The following CHCHD3 variants were observed in gnomAD, a reference collection of about 807,000 sequenced individuals.
The protein encoded by CHCHD3 is MICOS complex subunit MIC19.
A neutral mutation model predicts 38.2 loss-of-function variants in CHCHD3; 20 were observed. The observed-to-expected ratio is 0.52, with a 90% confidence interval of 0.37 to 0.76. The LOEUF (loss-of-function observed/expected upper bound fraction) is 0.76. CHCHD3 is among the 30% of genes least tolerant of loss of function. The pLI, the probability that CHCHD3 is intolerant of heterozygous loss-of-function variation, is 0.00. For synonymous variants in CHCHD3, 82 were observed against 100.0 expected, an observed-to-expected ratio of 0.82 and a Z score of 1.07; for missense variants, 245 against 279.2, an observed-to-expected ratio of 0.88 and a Z score of 0.87.
chr7:133,016,915 G>A (rs1219459336), intron 3 of CHCHD3, among the ~76,000 whole-genome samples: 9 of 152,200 alleles, frequency 5.9e-5, no homozygotes, highest in Admixed American at 2.0e-4. Flanking sequence ...CCGGATTAAG[G>A]AAATGGACAA....
At chr7:133,050,294 G>C (rs1814117169) in intron 2 of CHCHD3, among the ~76,000 whole-genome samples, 1 of 121,422 alleles carries the variant, frequency 8.2e-6, no homozygotes, top group African/African-American at 3.1e-5. Context: ...AGTGAGCCAA[G>C]ATCTTGCCAC....
chr7:132,906,522 C>T (rs1809809055), intron 4 of CHCHD3, among the ~76,000 whole-genome samples: 1 of 152,166 alleles, frequency 6.6e-6, no homozygotes, highest in African/African-American at 2.4e-5. Context: ...TATTTTACTA[C>T]TAATAATGAC....
chr7:133,055,290 A>G (rs1055012250), intron 2 of CHCHD3, among the ~76,000 whole-genome samples: 11 of 146,516 alleles, frequency 7.5e-5, no homozygotes, highest in African/African-American at 2.5e-4. Context: ...TATATTATCT[A>G]TTTAATTAGA....
Sources: allele counts gnomAD v4.1 joint callset (sites outside exome capture counted in the v4.1 genomes callset), GRCh38; gene constraint gnomAD v4.1.1; transcripts MANE v1.5; gene names NCBI Gene and HGNC (gene_info 2026-07-23, HGNC 2026-07-21).